DSCAM: variants seen among roughly 807,000 people sequenced by gnomAD.
DSCAM encodes the protein cell adhesion molecule DSCAM.
In DSCAM, 47 loss-of-function variants were observed where a neutral mutation model predicts 217.7. That is an observed-to-expected ratio of 0.22 (90% CI 0.17 to 0.28). The LOEUF is 0.28. Ranked by LOEUF, DSCAM falls within the 10% of genes least tolerant of loss-of-function variation. The pLI, the probability that DSCAM is intolerant of heterozygous loss-of-function variation, is 1.00. For missense variants in DSCAM, 2,080 were observed against 2,618.3 expected, an observed-to-expected ratio of 0.79 and a Z score of 4.49; for synonymous variants, 1,056 against 1,015.3, an observed-to-expected ratio of 1.04 and a Z score of -0.76.
chr21:40,296,189 AT>A lies in DSCAM; in HGVS notation c.2063-16del, dbSNP rs1397138747. On this transcript the variant is annotated splice_polypyrimidine_tract_variant and intron_variant, in intron 9 of 32. Transcript: ENST00000400454. The stretch of plus-strand genomic sequence containing the variant: ...CTTGGGAGGAACTGAAAAGAGAGAA[AT>A]GTCACCAGTAATTAAGACTAGACCA... 4 of 1,613,374 alleles carry A rather than the reference AT, an allele frequency of 2.5e-6. No homozygotes were observed. Among genetic ancestry groups the A allele is most frequent in the Middle Eastern group, 1.6e-4 (1 of 6,076 alleles).
At chr21:40,096,705 A>T (rs887322552) in intron 20 of DSCAM, among the ~76,000 whole-genome samples, 11 of 144,674 alleles carry the variant, frequency 7.6e-5, no homozygotes, top group South Asian at 2.2e-4. Flanking sequence ...CAAGAATATT[A>T]AAAAAAAAAA....
intron 3 of DSCAM, among the ~76,000 whole-genome samples, chr21:40,665,034 T>C (rs8127798): frequency 0.8 from 121,432 of 152,158 alleles, 50,214 homozygotes; most frequent in East Asian, 0.98. Flanking sequence ...CTTCACCTTC[T>C]GCCATGATTG....
rs921188972 is a variant in DSCAM, at chr21:40,085,830, G to T, written c.3969-65C>A. 3.0e-6 allele frequency: 4 copies of T among 1,341,840 alleles called. No homozygotes were observed. The African/African-American group carries it at 4.4e-5, about 15-fold the overall frequency. The allele number at this position is 1,341,840 out of a possible 1,614,324, so 83.1% of individuals were successfully genotyped here. ...ACAATCCAAATTAGCTGAGGTTGGG[G>T]AAAAACAGAAAGACTCTGTGAAGCA... On this transcript the variant is annotated intron_variant, in intron 22 of 32. Transcript: ENST00000400454.
chr21:40,418,482 G>T (rs1156325288), intron 3 of DSCAM, among the ~76,000 whole-genome samples: 1 of 152,186 alleles, frequency 6.6e-6, no homozygotes, highest in African/African-American at 2.4e-5. Flanking sequence ...TCCAAGGAGG[G>T]TGTTTAGGTT....
At chr21:40,413,122 G>A (rs1257389188) in intron 3 of DSCAM, among the ~76,000 whole-genome samples, 2 of 152,232 alleles carry the variant, frequency 1.3e-5, no homozygotes, top group Non-Finnish European at 2.9e-5. Context: ...TGGATGCCCA[G>A]GCAGAAGTTT....
At chr21:40,658,092 G>A (rs573118802) in intron 3 of DSCAM, among the ~76,000 whole-genome samples, 2 of 152,234 alleles carry the variant, frequency 1.3e-5, no homozygotes, top group African/African-American at 4.8e-5. Context: ...AGGAGTCCAG[G>A]AAAGGTCCCA....
At chr21:40,052,790 G>A (rs546266146) in intron 29 of DSCAM, among the ~76,000 whole-genome samples, 5 of 152,266 alleles carry the variant, frequency 3.3e-5, no homozygotes, top group East Asian at 1.9e-4. Context: ...TCCTACTGCC[G>A]TGGGCACTTG....
rs2090325303 is a variant in DSCAM at position 40,144,091 on chromosome 21, G to C, written c.3259+400C>G. On this transcript the variant is annotated intron_variant, in intron 17 of 32. Transcript: ENST00000400454. This position sits in a 1 kb window ranked among gnomAD's most constrained non-coding sequence, Gnocchi z 4.8. ...TCTGTACTCAGAATGCTTGAAAATA[G>C]GAAACAATGAAAAATAAAATAAATT... 8.2e-6 allele frequency among the ~76,000 whole-genome samples: 1 copy of C among 122,612 alleles called. No individual in the cohort carries two copies. The highest frequency in any genetic ancestry group is 3.2e-4 in the South Asian group (1 of 3,162). 80.4% of individuals were successfully genotyped at this position (122,612 alleles called of 152,430 possible). A position where few individuals can be genotyped will look rare whatever the true frequency, so the allele number is the denominator to read the frequency against.
intron 19 of DSCAM, among the ~76,000 whole-genome samples, chr21:40,128,314 C>A (rs1019516484): frequency 6.6e-6 from 1 of 150,994 alleles, no homozygotes; most frequent in Non-Finnish European, 1.5e-5. Flanking sequence ...CAATGGGTCC[C>A]CAAGATCCTT....
At chr21:40,121,884 G>A (rs1601352562) in intron 20 of DSCAM, among the ~76,000 whole-genome samples, 1 of 151,812 alleles carries the variant, frequency 6.6e-6, no homozygotes, top group East Asian at 1.9e-4. Context: ...TAGAGGCGGA[G>A]TTTCATACGT....
intron 9 of DSCAM, among the ~76,000 whole-genome samples, chr21:40,301,579 C>A (rs184188977): frequency 3.3e-5 from 5 of 152,296 alleles, no homozygotes; most frequent in Admixed American, 2.0e-4. Flanking sequence ...TTCTCTGAGG[C>A]CTTAATTACT....
chr21:40,038,128 C>T, intron 32 of DSCAM, among the ~76,000 whole-genome samples: 1 of 151,724 alleles, frequency 6.6e-6, no homozygotes, highest in South Asian at 2.1e-4. Flanking sequence ...ATGTCTAAAA[C>T]ACCAAAAGCA....
chr21:40,468,297 C>T (rs1333745611), intron 3 of DSCAM, among the ~76,000 whole-genome samples: 1 of 152,172 alleles, frequency 6.6e-6, no homozygotes, highest in Non-Finnish European at 1.5e-5. Context: ...GTCCTGGGTG[C>T]ACCTCCTCAA....
At chr21:40,581,474 G>A (rs1324104091) in intron 3 of DSCAM, among the ~76,000 whole-genome samples, 1 of 152,152 alleles carries the variant, frequency 6.6e-6, no homozygotes, top group East Asian at 1.9e-4. Flanking sequence ...CCAGTTAGTG[G>A]GCAAGCCAGG....
intron 8 of DSCAM, among the ~76,000 whole-genome samples, chr21:40,313,977 G>A (rs886709908): frequency 6.6e-6 from 1 of 152,070 alleles, no homozygotes; most frequent in Non-Finnish European, 1.5e-5. Context: ...AAGAGGTAAG[G>A]GATCCGGCTG....
At chr21:40,802,716 C>T (rs190352389) in intron 1 of DSCAM, among the ~76,000 whole-genome samples, 21 of 152,224 alleles carry the variant, frequency 1.4e-4, no homozygotes, top group Non-Finnish European at 3.1e-4. Context: ...CAGCCCTTCA[C>T]CATGTGATGG....
chr21:40,680,006 GATAATA>G lies in DSCAM; in HGVS notation c.508+12798_508+12803del, dbSNP rs572980825. 5.4e-3 allele frequency among the ~76,000 whole-genome samples: 826 copies of G among 152,118 alleles called. 4 individuals are homozygous for G. The highest frequency in any genetic ancestry group is 0.014 in the Middle Eastern group (4 of 294). ...ACAAACACTTTAGACAGAAGATAAT[GATAATA>G]ATAATAAGAAGAAGAAGGACAATGA... On this transcript the variant is annotated intron_variant, in intron 3 of 32. Transcript: ENST00000400454.
In DSCAM at chr21:40,056,349, C is replaced by T. The variant is rs190794039; in HGVS notation, c.4920-509G>A. Among the ~76,000 whole-genome samples the T allele has an allele frequency of 6.9e-3, 1,056 of 152,246 alleles. 15 individuals carry two copies. The highest frequency in any genetic ancestry group is 0.024 in the African/African-American group (1,014 of 41,544). On this transcript the variant is annotated intron_variant, in intron 28 of 32. Transcript: ENST00000400454. Reference sequence around the variant, plus strand: ...TTTGTTCTAGAAGCAAATCACAAACCTTGTTAGCTTCCCTGACGTTAGTTT... The same window carrying T: ...TTTGTTCTAGAAGCAAATCACAAACTTTGTTAGCTTCCCTGACGTTAGTTT...
chr21:40,293,282 C>T (rs1249118137), intron 10 of DSCAM, among the ~76,000 whole-genome samples: 3 of 152,146 alleles, frequency 2.0e-5, no homozygotes, highest in Admixed American at 6.5e-5. Context: ...GGAGGTGAGT[C>T]GTGTGGGAGG....
Sources: gnomAD v4.1 joint callset for allele counts (sites outside exome capture counted in the v4.1 genomes callset) on GRCh38, gnomAD v4.1.1 for gene constraint, Gnocchi (gnomAD v3.1) non-coding constraint, MANE v1.5 for transcripts, NCBI Gene and HGNC (gene_info 2026-07-23, HGNC 2026-07-21) for gene names.